RBFOX3: variants seen among roughly 807,000 people sequenced by gnomAD.
RBFOX3 encodes RNA binding fox-1 homolog 3.
In RBFOX3, 17 loss-of-function variants were observed where a neutral mutation model predicts 48.7. The observed-to-expected ratio is 0.35, with a 90% CI of 0.24 to 0.52. The LOEUF is 0.52. Among genes scored for constraint, RBFOX3 ranks in the 20% least tolerant of loss-of-function variants. The probability of loss-of-function intolerance (pLI) is 0.94; values close to 1 mark genes in which losing one functional copy is unlikely to be tolerated. For synonymous variants in RBFOX3, 212 were observed against 209.5 expected, an observed-to-expected ratio of 1.01 and a Z score of -0.10; for missense variants, 382 against 497.5, an observed-to-expected ratio of 0.77 and a Z score of 2.21.
intron 4 of RBFOX3, among the ~76,000 whole-genome samples, chr17:79,160,258 C>T (rs367758488): frequency 2.0e-5 from 3 of 150,624 alleles, no homozygotes; most frequent in Admixed American, 6.5e-5. Flanking sequence ...GGGCTGACGC[C>T]TAGGACCCCA....
At chr17:79,291,598 T>A (rs1314074160) in intron 3 of RBFOX3, among the ~76,000 whole-genome samples, 1 of 152,210 alleles carries the variant, frequency 6.6e-6, no homozygotes, top group Non-Finnish European at 1.5e-5. Flanking sequence ...CAGTCCCTTA[T>A]TGCATCAGTA....
At chr17:79,476,954 G>A (rs1484910243) in intron 2 of RBFOX3, among the ~76,000 whole-genome samples, 1 of 151,940 alleles carries the variant, frequency 6.6e-6, no homozygotes, top group Non-Finnish European at 1.5e-5. Flanking sequence ...AGAAAAGGAG[G>A]AGGAGGAAGG....
chr17:79,458,597 A>T (rs77902027), intron 2 of RBFOX3, among the ~76,000 whole-genome samples: 4 of 29,626 alleles, frequency 1.4e-4, no homozygotes, highest in African/African-American at 3.6e-4. Context: ...TTATTTAATT[A>T]AAAAAAAAAA....
intron 3 of RBFOX3, among the ~76,000 whole-genome samples, chr17:79,276,052 G>A (rs910256742): frequency 1.3e-5 from 2 of 152,208 alleles, no homozygotes; most frequent in African/African-American, 4.8e-5. Flanking sequence ...AACAAGGAGG[G>A]CATTTCTGAC....
intron 3 of RBFOX3, among the ~76,000 whole-genome samples, chr17:79,282,816 C>T (rs1178982341): frequency 6.6e-6 from 1 of 152,284 alleles, no homozygotes; most frequent in East Asian, 1.9e-4. Context: ...TGGGCCAGTT[C>T]CTGGCCTGAT....
chr17:79,180,871 C>G (rs1362158205), intron 4 of RBFOX3, among the ~76,000 whole-genome samples: 1 of 152,076 alleles, frequency 6.6e-6, no homozygotes, highest in African/African-American at 2.4e-5. Flanking sequence ...TCTGGCTTTC[C>G]CAGGGACAAT....
intron 2 of RBFOX3, among the ~76,000 whole-genome samples, chr17:79,411,463 C>T (rs1249173468): frequency 6.6e-6 from 1 of 152,196 alleles, no homozygotes; most frequent in Non-Finnish European, 1.5e-5. Flanking sequence ...CAGCCTTGGC[C>T]TCAGCTCCAC....
At chr17:79,513,830 A>G (rs936489001) in intron 1 of RBFOX3, among the ~76,000 whole-genome samples, 2 of 152,124 alleles carry the variant, frequency 1.3e-5, no homozygotes, top group South Asian at 4.1e-4. Context: ...TCCTGGGTCT[A>G]TGGGGGCCCG....
At chr17:79,357,752 GT>G (rs1398274981) in intron 2 of RBFOX3, among the ~76,000 whole-genome samples, 2 of 151,252 alleles carry the variant, frequency 1.3e-5, no homozygotes, top group Non-Finnish European at 2.9e-5. Context: ...AATGAAGTGC[GT>G]TTGTTGAATT....
the RBFOX3 span, among the ~76,000 whole-genome samples, chr17:79,620,510 CATACGTGCACAT>C: frequency 2.3e-3 from 343 of 150,970 alleles, 3 homozygotes; most frequent in African/African-American, 8.1e-3. Context: ...CACACATGCG[CATACGTGCACAT>C]GCATACGCGC....
intron 1 of RBFOX3, among the ~76,000 whole-genome samples, chr17:79,569,080 G>C (rs2092571542): frequency 6.8e-6 from 1 of 146,130 alleles, no homozygotes. Context: ...AACATCTATA[G>C]CAAGAAAAAA....
chr17:79,591,833 G>A (rs2093425208), intron 1 of RBFOX3, among the ~76,000 whole-genome samples: 1 of 151,650 alleles, frequency 6.6e-6, no homozygotes, highest in Admixed American at 6.6e-5. Flanking sequence ...ACGTGTGGAG[G>A]GTGTGTGGAG....
intron 1 of RBFOX3, among the ~76,000 whole-genome samples, chr17:79,607,541 G>A (rs1374264845): frequency 5.9e-5 from 9 of 152,258 alleles, no homozygotes; most frequent in South Asian, 2.1e-4. Context: ...CCACTCTGGC[G>A]CTTCTGGGAG....
At chr17:79,650,720 C>T in the RBFOX3 span, among the ~76,000 whole-genome samples, 1 of 152,152 alleles carries the variant, frequency 6.6e-6, no homozygotes, top group Non-Finnish European at 1.5e-5. Context: ...AGAGAACAGA[C>T]CTATAAATAC....
chr17:79,094,550 G>T, intron 13 of RBFOX3, 21 bp from the exon 14 acceptor site: 3 of 987,152 alleles, frequency 3.0e-6, no homozygotes, highest in Non-Finnish European at 2.8e-6. Context: ...GCGTGGGAGG[G>T]GGAGTGGGAG....
chr17:79,567,082 T>G (rs2092482064), intron 1 of RBFOX3, among the ~76,000 whole-genome samples: 2 of 152,196 alleles, frequency 1.3e-5, no homozygotes, highest in South Asian at 4.2e-4. Flanking sequence ...CCCGTTCTCC[T>G]TCCCAGCCTC....
intron 2 of RBFOX3, among the ~76,000 whole-genome samples, chr17:79,386,960 T>C (rs2060643784): frequency 6.6e-6 from 1 of 152,210 alleles, no homozygotes; most frequent in African/African-American, 2.4e-5. Flanking sequence ...AATTGGAAGG[T>C]AGATACCTGG....
In RBFOX3 at chr17:79,090,687, C is replaced by A; in HGVS notation, c.*196G>T. 1.5e-6 allele frequency: 1 copy of A among 675,742 alleles called. No homozygotes were observed. Among genetic ancestry groups the A allele is most frequent in the Admixed American group, 3.1e-5 (1 of 32,610 alleles). The allele number at this position is 675,742 out of a possible 1,614,324, so 41.9% of individuals were successfully genotyped here. A position where few individuals can be genotyped will look rare whatever the true frequency, so the allele number is the denominator to read the frequency against. ...CTGTCCTGGGGCCGCTCCTCGGCGC[C>A]CCTGCCGGCGTGCTCCCTCGGTGCG... On this transcript the variant is annotated 3_prime_UTR_variant, in exon 15 of 15. Transcript: ENST00000693108.
chr17:79,092,270 T>G (rs1278142511), intron 14 of RBFOX3: 2 of 985,390 alleles, frequency 2.0e-6, no homozygotes, highest in East Asian at 1.1e-4. Context: ...CCTGGTCTCC[T>G]GGCCCAGCCT....
Sources: gnomAD v4.1 joint callset for allele counts (sites outside exome capture counted in the v4.1 genomes callset) on GRCh38, gnomAD v4.1.1 for gene constraint, MANE v1.5 for transcripts, NCBI Gene and HGNC (gene_info 2026-07-23, HGNC 2026-07-21) for gene names.